CFAP47: variants seen among roughly 807,000 people sequenced by gnomAD.
CFAP47 encodes cilia and flagella associated protein 47, also known as cilia- and flagella-associated protein 47.
In CFAP47, 29 loss-of-function variants were observed where a neutral mutation model predicts 148.1. That is an observed-to-expected ratio of 0.20 (90% CI 0.15 to 0.27). The LOEUF (loss-of-function observed/expected upper bound fraction) is 0.27, where lower values mean the gene tolerates loss of function less well. CFAP47 is among the 10% of genes least tolerant of loss of function. The probability of loss-of-function intolerance (pLI) is 1.00; values close to 1 mark genes in which losing one functional copy is unlikely to be tolerated. For missense variants in CFAP47, 1,872 were observed against 1,697.5 expected, an observed-to-expected ratio of 1.10 and a Z score of -1.81; for synonymous variants, 664 against 577.3, an observed-to-expected ratio of 1.15 and a Z score of -2.15.
intron 63 of CFAP47, among the ~76,000 whole-genome samples, chrX:36,381,177 A>T (rs6632598): frequency 0.095 from 10,523 of 110,897 alleles, 388 homozygotes; most frequent in East Asian, 0.23. Context: ...CAGTATGAAC[A>T]TTCATCAACT....
chrX:36,030,139 ACTGT>A (rs1433143935), intron 22 of CFAP47, among the ~76,000 whole-genome samples: 2 of 110,262 alleles, frequency 1.8e-5, no homozygotes, highest in East Asian at 2.8e-4. Flanking sequence ...ATATTATATC[ACTGT>A]CTGGCAATCA....
chrX:36,372,445 TAAAGAC>T (rs1461912024), intron 62 of CFAP47, among the ~76,000 whole-genome samples: 1 of 111,878 alleles, frequency 8.9e-6, no homozygotes, highest in Non-Finnish European at 1.9e-5. Flanking sequence ...ATGCATCACT[TAAAGAC>T]AAAGATATGT....
chrX:36,109,084 T>C (rs1007801131), intron 33 of CFAP47, among the ~76,000 whole-genome samples: 1 of 111,684 alleles, frequency 9.0e-6, no homozygotes, highest in Non-Finnish European at 1.9e-5. Flanking sequence ...CTAAGGTTAA[T>C]GGCCTCCAGT....
At chrX:36,363,417 G>A (rs1425272175) in intron 61 of CFAP47, among the ~76,000 whole-genome samples, 1 of 110,806 alleles carries the variant, frequency 9.0e-6, no homozygotes, top group Non-Finnish European at 1.9e-5. Flanking sequence ...GTAACACATT[G>A]GTAAACATTT....
At chrX:35,930,889 GCTTT>G (rs1435487561) in intron 2 of CFAP47, among the ~76,000 whole-genome samples, 1 of 111,486 alleles carries the variant, frequency 9.0e-6, no homozygotes, top group East Asian at 2.8e-4. Context: ...CAAAGAATCA[GCTTT>G]CTATCGTTGA....
chrX:36,230,561 G>T (rs1940336419), intron 46 of CFAP47, among the ~76,000 whole-genome samples: 1 of 103,332 alleles, frequency 9.7e-6, no homozygotes, highest in East Asian at 3.1e-4. Flanking sequence ...TTTGTAGGTT[G>T]CCTGTTCACT....
chrX:35,978,246 C>A (rs1220867825), intron 15 of CFAP47, among the ~76,000 whole-genome samples: 1 of 111,827 alleles, frequency 8.9e-6, no homozygotes, highest in Admixed American at 9.5e-5. Flanking sequence ...TGTTAAAAAG[C>A]TCACTAGCCT....
At chrX:36,232,534 A>G (rs1162514154) in intron 46 of CFAP47, among the ~76,000 whole-genome samples, 1 of 111,511 alleles carries the variant, frequency 9.0e-6, no homozygotes, top group African/African-American at 3.3e-5. Flanking sequence ...CTAGTGGTCT[A>G]TCAATTTTGT....
intron 44 of CFAP47, among the ~76,000 whole-genome samples, chrX:36,204,457 T>C (rs1192777949): frequency 9.1e-6 from 1 of 110,295 alleles, no homozygotes; most frequent in Non-Finnish European, 1.9e-5. Flanking sequence ...AGGGATAGCA[T>C]TAGGAGATAT....
At chrX:36,384,662 C>CT (rs1264130973) in intron 63 of CFAP47, 135 bp from the exon 64 acceptor site, 2 of 444,704 alleles carry the variant, frequency 4.5e-6, no homozygotes, top group East Asian at 7.6e-5. Flanking sequence ...AATTGTCACT[C>CT]TAAGTGGTTT....
At chrX:35,964,886 C>T (rs1282249273) in intron 8 of CFAP47, among the ~76,000 whole-genome samples, 4 of 111,213 alleles carry the variant, frequency 3.6e-5, no homozygotes, top group African/African-American at 1.3e-4. Context: ...ATTCTTTTGA[C>T]CTGTTTCCCT....
intron 39 of CFAP47, among the ~76,000 whole-genome samples, chrX:36,175,225 A>C (rs943678416): frequency 5.6e-4 from 62 of 110,972 alleles, no homozygotes; most frequent in Admixed American, 1.8e-3. Flanking sequence ...AAAGCTTTCA[A>C]CTTCTTTGCC....
rs141650262 is a variant in CFAP47 at position 36,032,429 on chromosome X, A to G, written c.3651+1082A>G. 5.3e-3 allele frequency among the ~76,000 whole-genome samples: 589 copies of G among 110,936 alleles called. 6 individuals are homozygous for G. The highest frequency in any genetic ancestry group is 0.018 in the African/African-American group (563 of 30,644). ...ATGTTTATGGAAGGTTAATTTGACT[A>G]AAGGTTTAAGGATTTTGGAATAAAG... is the stretch of plus-strand genomic sequence containing the variant. On this transcript the variant is annotated intron_variant, in intron 23 of 63. Coordinates refer to ENST00000378653, the MANE Select transcript of CFAP47 (RefSeq NM_001304548.2).
Position 36,209,852 on chromosome X carries a change from T to C in CFAP47, c.6817+4742T>C, listed in dbSNP as rs782400094. ...AACACAGTCAATTTTAGAACACTTT[T>C]ATGGTCTCAAAAAAAACCCAGTACT... is the stretch of plus-strand genomic sequence containing the variant. On this transcript the variant is annotated intron_variant, in intron 45 of 63. Transcript: ENST00000378653. 5.4e-5 allele frequency among the ~76,000 whole-genome samples: 6 copies of C among 111,428 alleles called. No homozygotes were observed. In the East Asian group the frequency reaches 8.5e-4, roughly 16 times the overall value.
chrX:36,299,428 G>A (rs1569311982), intron 52 of CFAP47, among the ~76,000 whole-genome samples: 1 of 111,286 alleles, frequency 9.0e-6, no homozygotes, highest in East Asian at 2.8e-4. Flanking sequence ...CTTTATGGAT[G>A]CAAAAACTGA....
intron 45 of CFAP47, among the ~76,000 whole-genome samples, chrX:36,227,079 G>A (rs1940278796): frequency 9.0e-6 from 1 of 111,221 alleles, no homozygotes; most frequent in Non-Finnish European, 1.9e-5. Context: ...GTGCTGATTT[G>A]TTCTATTGAG....
At chrX:36,330,023 A>G (rs1484374714) in intron 57 of CFAP47, among the ~76,000 whole-genome samples, 1 of 112,444 alleles carries the variant, frequency 8.9e-6, no homozygotes, top group Non-Finnish European at 1.9e-5. Context: ...AAAGCATTGG[A>G]TAAATCTATC....
intron 48 of CFAP47, among the ~76,000 whole-genome samples, chrX:36,237,899 CTT>C (rs782614823): frequency 6.8e-4 from 74 of 109,447 alleles, no homozygotes; most frequent in Non-Finnish European, 1.3e-3. Flanking sequence ...TTTTCCTCTT[CTT>C]TTTTTTTGCT....
At chrX:36,383,106 T>G (rs1385172166) in intron 63 of CFAP47, among the ~76,000 whole-genome samples, 1 of 111,256 alleles carries the variant, frequency 9.0e-6, no homozygotes, top group Non-Finnish European at 1.9e-5. Context: ...ATGAACAACT[T>G]CCATACACAC....
Sources: gnomAD v4.1 joint callset for allele counts (sites outside exome capture counted in the v4.1 genomes callset) on GRCh38, gnomAD v4.1.1 for gene constraint, MANE v1.5 for transcripts, NCBI Gene and HGNC (gene_info 2026-07-23, HGNC 2026-07-21) for gene names.